Variants in SOX5 observed in about 807,000 individuals in gnomAD.
The protein encoded by SOX5 is SRY-box transcription factor 5.
SOX5 carries 9 observed loss-of-function variants against 92.0 expected under a neutral mutation model. The observed-to-expected ratio is 0.10, with a 90% CI of 0.06 to 0.17. The LOEUF is 0.17. SOX5 is among the 10% of genes least tolerant of loss of function. The pLI, the probability that SOX5 is intolerant of heterozygous loss-of-function variation, is 1.00. For missense variants in SOX5, 642 were observed against 944.5 expected (o/e 0.68, Z 4.20); for synonymous variants, 344 against 336.3 (o/e 1.02, Z -0.25).
intron 7 of SOX5, among the ~76,000 whole-genome samples, chr12:23,660,824 G>A (rs537814893): frequency 6.6e-6 from 1 of 152,178 alleles, no homozygotes; most frequent in African/African-American, 2.4e-5. Flanking sequence ...AAAAACAAAG[G>A]AAATATCCAA....
chr12:24,157,574 A>G (rs1157639832), intron 4 of SOX5, among the ~76,000 whole-genome samples: 1 of 152,146 alleles, frequency 6.6e-6, no homozygotes, highest in Non-Finnish European at 1.5e-5. Flanking sequence ...GGTTGGATAG[A>G]TTGAAGATCC....
rs182746476 is a variant in SOX5 at position 24,083,022 on chromosome 12, A to G, written c.-2+130321T>C. The stretch of plus-strand genomic sequence containing the variant: ...CATTACAAAGAGGACTCTTTCTATT[A>G]TTCTGTCATGTTAAAGAACAGAATT... On this transcript the variant is annotated intron_variant, in intron 4 of 4. Coordinates refer to the SOX5 transcript ENST00000446891. Among the ~76,000 whole-genome samples, 15 of 152,124 alleles carry G rather than the reference A, an allele frequency of 9.9e-5. No individual in the cohort carries two copies. The East Asian group carries it at 2.7e-3, about 27-fold the overall frequency.
intron 1 of SOX5, among the ~76,000 whole-genome samples, chr12:24,464,367 G>C (rs1943985110): frequency 6.6e-6 from 1 of 150,624 alleles, no homozygotes; most frequent in South Asian, 2.1e-4. Context: ...CTGTCACCCA[G>C]GCTGAAGTGC....
chr12:23,956,601 C>T (rs985303334), intron 4 of SOX5, among the ~76,000 whole-genome samples: 2 of 152,150 alleles, frequency 1.3e-5, no homozygotes, highest in African/African-American at 4.8e-5. Context: ...AAACTGGTCC[C>T]TGATGCTAAA....
chr12:23,571,902 A>T (rs916825596), intron 10 of SOX5, among the ~76,000 whole-genome samples: 1 of 152,188 alleles, frequency 6.6e-6, no homozygotes, highest in Non-Finnish European at 1.5e-5. Flanking sequence ...GAACAGCTGC[A>T]GTGAGAAAAT....
At chr12:24,304,974 A>C (rs1273481716) in intron 2 of SOX5, among the ~76,000 whole-genome samples, 1 of 152,112 alleles carries the variant, frequency 6.6e-6, no homozygotes, top group East Asian at 1.9e-4. Context: ...TGAATAACCT[A>C]GGGGCACCCT....
In SOX5 at chr12:23,728,320, C is replaced by T. The variant is rs1403967422; in HGVS notation, c.810+6364G>A. Among the ~76,000 whole-genome samples, 3 of 152,124 alleles carry T rather than the reference C, an allele frequency of 2.0e-5. No individual in the cohort carries two copies. The East Asian group carries it at 5.8e-4, about 29-fold the overall frequency. On this transcript the variant is annotated intron_variant, in intron 6 of 14. Coordinates refer to ENST00000451604, the MANE Select transcript of SOX5 (RefSeq NM_006940.6). ...GCTGAAGGAGTTAATGCGTGTCTTT[C>T]TCAGGTTGAAATGCTACCTTAACTA...
chr12:24,489,222 A>T (rs1946812642), intron 1 of SOX5, among the ~76,000 whole-genome samples: 1 of 152,180 alleles, frequency 6.6e-6, no homozygotes, highest in Non-Finnish European at 1.5e-5. Context: ...ACTCTGATGG[A>T]GAAATTGGAA....
chr12:24,209,801 G>A (rs1958397184), intron 4 of SOX5, among the ~76,000 whole-genome samples: 4 of 151,604 alleles, frequency 2.6e-5, no homozygotes, highest in Middle Eastern at 3.4e-3. Flanking sequence ...GGCGGATCAC[G>A]AGGTCAGGAG....
At chr12:23,837,204 A>C (rs2096430824) in intron 3 of SOX5, among the ~76,000 whole-genome samples, 1 of 132,428 alleles carries the variant, frequency 7.6e-6, no homozygotes, top group South Asian at 2.1e-4. Flanking sequence ...TATATATAAT[A>C]TATTTATATT....
chr12:24,340,989 C>T (rs1952513522), intron 2 of SOX5, among the ~76,000 whole-genome samples: 2 of 152,194 alleles, frequency 1.3e-5, no homozygotes, highest in African/African-American at 2.4e-5. Context: ...TAACAGCCAT[C>T]TGGGCAACCA....
At chr12:23,542,495 A>T (rs1424471368) in intron 13 of SOX5, among the ~76,000 whole-genome samples, 1 of 152,202 alleles carries the variant, frequency 6.6e-6, no homozygotes, top group Non-Finnish European at 1.5e-5. Flanking sequence ...TATCTTTATA[A>T]TCAGCACCCT....
chr12:23,687,788 C>T (rs919455108), intron 6 of SOX5, among the ~76,000 whole-genome samples: 1 of 151,880 alleles, frequency 6.6e-6, no homozygotes, highest in Non-Finnish European at 1.5e-5. Context: ...CAGCTGCATA[C>T]CACATATGAC....
intron 2 of SOX5, among the ~76,000 whole-genome samples, chr12:24,302,696 T>C (rs1381231285): frequency 2.0e-5 from 3 of 151,656 alleles, no homozygotes; most frequent in Non-Finnish European, 4.4e-5. Flanking sequence ...CCACAGCAAA[T>C]GATAGAGAAA....
At chr12:24,442,801 C>T (rs1940847948) in intron 1 of SOX5, among the ~76,000 whole-genome samples, 1 of 152,168 alleles carries the variant, frequency 6.6e-6, no homozygotes. Context: ...AGAGCAGGAT[C>T]ACTCTGGGCA....
chr12:23,782,685 G>T (rs2095305462), intron 3 of SOX5, among the ~76,000 whole-genome samples: 1 of 152,108 alleles, frequency 6.6e-6, no homozygotes, highest in Non-Finnish European at 1.5e-5. Context: ...TGATCTTTAA[G>T]AAAACTATTT....
At chr12:24,516,208 A>G (rs1401494573) in intron 1 of SOX5, among the ~76,000 whole-genome samples, 1 of 151,792 alleles carries the variant, frequency 6.6e-6, no homozygotes, top group Non-Finnish European at 1.5e-5. Context: ...ATGCCTGGCT[A>G]ATTTTTAAAA....
intron 1 of SOX5, among the ~76,000 whole-genome samples, chr12:24,443,773 T>C (rs1337215944): frequency 2.0e-5 from 3 of 152,238 alleles, no homozygotes; most frequent in Non-Finnish European, 4.4e-5. Flanking sequence ...AGGTTGAGAC[T>C]TGAGTTTCCT....
intron 4 of SOX5, among the ~76,000 whole-genome samples, chr12:24,093,259 C>A (rs1485958716): frequency 2.6e-5 from 4 of 152,056 alleles, no homozygotes; most frequent in Non-Finnish European, 5.9e-5. Flanking sequence ...CGGTGGCTCA[C>A]ACCTGTAATC....
Sources: allele counts gnomAD v4.1 joint callset (sites outside exome capture counted in the v4.1 genomes callset), GRCh38; gene constraint gnomAD v4.1.1; transcripts MANE v1.5; gene names NCBI Gene and HGNC (gene_info 2026-07-23, HGNC 2026-07-21).